The following RNASEH1 variants were observed in gnomAD, a reference collection of about 807,000 sequenced individuals.
RNASEH1 encodes ribonuclease H1.
A neutral mutation model predicts 34.6 loss-of-function variants in RNASEH1; 27 were observed. The observed-to-expected ratio is 0.78, with a 90% confidence interval of 0.58 to 1.08. RNASEH1 has a LOEUF of 1.08. Ranked by LOEUF, RNASEH1 falls within the 50% of genes least tolerant of loss-of-function variation. The pLI, the probability that RNASEH1 is intolerant of heterozygous loss-of-function variation, is 0.00. For synonymous variants in RNASEH1, 162 were observed against 138.4 expected (o/e 1.17, Z -1.20); for missense variants, 349 against 373.6 (o/e 0.93, Z 0.54).
chr2:3,556,765 C>T, intron 2 of RNASEH1, 24 bp downstream of exon 2: 1 of 1,506,668 alleles, frequency 6.6e-7, no homozygotes, highest in Non-Finnish European at 9.2e-7. Flanking sequence ...GTTAAAATGT[C>T]ACACTGATAT....
At chr2:3,536,683 C>T (rs548808592), downstream of RNASEH1, 3 of 152,400 alleles carry the variant, frequency 2.0e-5, no homozygotes, top group African/African-American at 7.2e-5. Flanking sequence ...ACACCCTTAA[C>T]AAGAATTTCC....
rs1660033786 is a variant in RNASEH1, at chr2:3,552,402, TAAATCAGACTTAA to T, written c.245-107_245-95del. On this transcript the variant is annotated intron_variant, in intron 2 of 7. Transcript: ENST00000315212. ...CATTCAGTAAATTATTTAGTATCAT[TAAATCAGACTTAA>T]AAACACCCTCTCTATGTGGCCCTAC... The T allele has an allele frequency of 2.5e-5, 31 of 1,259,952 alleles. No individual in the cohort carries two copies. In the South Asian group the frequency reaches 3.6e-4, roughly 15 times the overall value. 78.0% of individuals were successfully genotyped at this position (1,259,952 alleles called of 1,614,324 possible). A position where few individuals can be genotyped will look rare whatever the true frequency, so the allele number is the denominator to read the frequency against.
At chr2:3,548,159 C>T in intron 6 of RNASEH1, 104 bp from the exon 7 acceptor site, 1 of 1,338,506 alleles carries the variant, frequency 7.5e-7, no homozygotes, top group Admixed American at 1.8e-5. Flanking sequence ...TTCTGAGTCA[C>T]CATCCTTGAC....
At chr2:3,546,893 C>T (rs1668803823) in intron 7 of RNASEH1, among the ~76,000 whole-genome samples, 1 of 152,152 alleles carries the variant, frequency 6.6e-6, no homozygotes, top group African/African-American at 2.4e-5. Context: ...GAGGCCAAGG[C>T]AGGTGGAATG....
At chr2:3,553,679 T>C (rs1161731316) in intron 2 of RNASEH1, among the ~76,000 whole-genome samples, 1 of 152,150 alleles carries the variant, frequency 6.6e-6, no homozygotes, top group Non-Finnish European at 1.5e-5. Context: ...CGTGAGCCGC[T>C]GCGCCCGGCC....
chr2:3,558,270 C>A lies in RNASEH1; in HGVS notation c.-10G>T. On this transcript the variant is annotated 5_prime_UTR_variant, in exon 1 of 8. Transcript: ENST00000315212. ...ACAGAAGCCAGCTCATCGCTCACTC[C>A]CGGCACCGGGAAGCATTTCGACTCC... 6.4e-7 allele frequency: 1 copy of A among 1,561,912 alleles called. No homozygotes were observed. Among genetic ancestry groups the A allele is most frequent in the East Asian group, 2.4e-5 (1 of 42,156 alleles).
At chr2:3,532,342 G>C in the RNASEH1 span, 1 of 702,206 alleles carries the variant, frequency 1.4e-6, no homozygotes, top group Admixed American at 2.0e-5. Context: ...GGTACAAAGC[G>C]AGTGGTTCAC....
chr2:3,533,205 G>A, the RNASEH1 span: 1 of 152,272 alleles, frequency 6.6e-6, no homozygotes, highest in Non-Finnish European at 1.5e-5. Context: ...GAACCAAGAA[G>A]GGAGCAGAGA....
At chr2:3,532,204 C>T in the RNASEH1 span, 48 of 698,870 alleles carry the variant, frequency 6.9e-5, no homozygotes, top group African/African-American at 7.7e-4. Context: ...AGCACCTGGT[C>T]GCAGCACTTT....
intron 3 of RNASEH1, among the ~76,000 whole-genome samples, chr2:3,550,773 G>A (rs1403293639): frequency 6.6e-6 from 1 of 152,188 alleles, no homozygotes; most frequent in Non-Finnish European, 1.5e-5. Context: ...TGTGGGTTCA[G>A]AGGACAATGG....
intron 1 of RNASEH1, 188 bp downstream of exon 1, chr2:3,557,945 C>A: frequency 1.3e-6 from 2 of 1,525,092 alleles, no homozygotes; most frequent in South Asian, 2.5e-5. Flanking sequence ...GCGTTCCAGT[C>A]CCAGGCCATG....
Position 3,542,055 on chromosome 2 carries a change from AAAGAGAT to A in RNASEH1, c.*3723_*3729del, listed in dbSNP as rs1363177060. Among the ~76,000 whole-genome samples, 8 of 152,192 alleles carry A rather than the reference AAAGAGAT, an allele frequency of 5.3e-5. No homozygotes were observed. The highest frequency in any genetic ancestry group is 1.0e-4 in the Non-Finnish European group (7 of 68,030). Reference sequence around the variant, plus strand: ...TTTTAAAACTCAAAAAGAAACAAAGAAAGAGATAAAAGAGATTCAAGAGACAGTGGCA... The same window carrying A: ...TTTTAAAACTCAAAAAGAAACAAAGAAAAAGAGATTCAAGAGACAGTGGCA... On this transcript the variant is annotated 3_prime_UTR_variant, in exon 8 of 8. Transcript: ENST00000315212.
At chr2:3,549,035 C>T in intron 5 of RNASEH1, 23 bp downstream of exon 5, 1 of 1,597,764 alleles carries the variant, frequency 6.3e-7, no homozygotes, top group Non-Finnish European at 8.6e-7. Context: ...AAAAGAGAGG[C>T]TTAAACGTAT....
chr2:3,545,580 A>G lies in RNASEH1; in HGVS notation c.*205T>C, dbSNP rs766944055. The G allele has an allele frequency of 9.0e-5, 51 of 567,724 alleles. No homozygotes were observed. The highest frequency in any genetic ancestry group is 1.4e-4 in the Non-Finnish European group (44 of 317,554). 35.2% of individuals were successfully genotyped at this position (567,724 alleles called of 1,614,324 possible). On this transcript the variant is annotated 3_prime_UTR_variant, in exon 8 of 8. Coordinates refer to ENST00000315212, the MANE Select transcript of RNASEH1 (RefSeq NM_002936.6). ...ATGTGGAAATCTCACATAATTCTCC[A>G]ATCTCAAAGATGTTCAATTTATTAT...
At chr2:3,556,374 C>T (rs989240977) in intron 2 of RNASEH1, among the ~76,000 whole-genome samples, 1 of 147,998 alleles carries the variant, frequency 6.8e-6, no homozygotes, top group African/African-American at 2.5e-5. Context: ...GGTGCAATCT[C>T]GGCTCACTGT....
intron 4 of RNASEH1, 100 bp from the exon 5 acceptor site, chr2:3,549,212 A>G: frequency 1.1e-6 from 1 of 949,178 alleles, no homozygotes; most frequent in Non-Finnish European, 1.7e-6. Context: ...TTCTTATTTG[A>G]AATATAAAAG....
chr2:3,553,656 C>A (rs963426059), intron 2 of RNASEH1, among the ~76,000 whole-genome samples: 1 of 152,170 alleles, frequency 6.6e-6, no homozygotes, highest in Admixed American at 6.5e-5. Flanking sequence ...TCCCACAGTG[C>A]TGGGATTACA....
rs1200835835 is a variant in RNASEH1 at position 3,544,134 on chromosome 2, T to A, written c.*1651A>T. 6.6e-6 allele frequency among the ~76,000 whole-genome samples: 1 copy of A among 152,160 alleles called. No homozygotes were observed. Among genetic ancestry groups the A allele is most frequent in the African/African-American group, 2.4e-5 (1 of 41,426 alleles). ...AATAAAGGCAAGCAAAACGACAGAA[T>A]GAGAATACCACCATTTTGCAACCCC... On this transcript the variant is annotated 3_prime_UTR_variant, in exon 8 of 8. Transcript: ENST00000315212.
chr2:3,547,783 A>G, intron 7 of RNASEH1, 148 bp downstream of exon 7: 1 of 828,574 alleles, frequency 1.2e-6, no homozygotes. Context: ...CACTACGCCC[A>G]GCCTCAAATA....
Sources: allele counts gnomAD v4.1 joint callset (sites outside exome capture counted in the v4.1 genomes callset), GRCh38; gene constraint gnomAD v4.1.1; transcripts MANE v1.5; gene names NCBI Gene and HGNC (gene_info 2026-07-23, HGNC 2026-07-21).